The following CDYL2 variants were observed in gnomAD, a reference collection of about 807,000 sequenced individuals.
CDYL2 encodes chromodomain Y like 2.
CDYL2 carries 23 observed loss-of-function variants against 49.4 expected under a neutral mutation model. The ratio of observed to expected loss-of-function variants is 0.47; its 90% CI spans 0.34 to 0.66. The LOEUF (loss-of-function observed/expected upper bound fraction) is 0.66. Among genes scored for constraint, CDYL2 ranks in the 30% least tolerant of loss-of-function variants. The probability of loss-of-function intolerance (pLI) is 0.01; values close to 1 mark genes in which losing one functional copy is unlikely to be tolerated. For synonymous variants in CDYL2, 360 were observed against 268.8 expected (o/e 1.34, Z -3.32); for missense variants, 678 against 656.4 (o/e 1.03, Z -0.36).
chr16:80,739,533 G>A (rs947963404), intron 1 of CDYL2, among the ~76,000 whole-genome samples: 7 of 152,224 alleles, frequency 4.6e-5, no homozygotes, highest in Admixed American at 1.3e-4. Flanking sequence ...AAGATCAGGA[G>A]CTAAGCCCCA....
At chr16:80,786,143 C>T (rs1316531403) in intron 1 of CDYL2, among the ~76,000 whole-genome samples, 2 of 151,586 alleles carry the variant, frequency 1.3e-5, no homozygotes, top group Admixed American at 6.5e-5. Context: ...AGCTTCTGCG[C>T]AGCAAAAGAA....
chr16:80,710,764 C>G (rs1009222411), intron 1 of CDYL2, among the ~76,000 whole-genome samples: 1 of 152,090 alleles, frequency 6.6e-6, no homozygotes, highest in Non-Finnish European at 1.5e-5. Flanking sequence ...CACATACACA[C>G]AGAGAACTGT....
At chr16:80,747,546 C>CGTGAATAGTGGTAGTGGTG (rs2142559036) in intron 1 of CDYL2, among the ~76,000 whole-genome samples, 1 of 152,226 alleles carries the variant, frequency 6.6e-6, no homozygotes, top group Admixed American at 6.5e-5. Flanking sequence ...CCAATGTTGT[C>CGTGAATAGTGGTAGTGGTG]GTGAATAGTG....
intron 1 of CDYL2, among the ~76,000 whole-genome samples, chr16:80,692,629 T>C (rs953079024): frequency 1.3e-5 from 2 of 152,160 alleles, no homozygotes; most frequent in East Asian, 1.9e-4. Context: ...TTATGACAAA[T>C]TGAAAGCAAA....
chr16:80,785,939 T>C (rs914854105), intron 1 of CDYL2, among the ~76,000 whole-genome samples: 2 of 152,192 alleles, frequency 1.3e-5, no homozygotes, highest in East Asian at 1.9e-4. Flanking sequence ...AACCCCTTCC[T>C]TACACCTTAT....
At chr16:80,676,009 C>A (rs1018130510) in intron 2 of CDYL2, among the ~76,000 whole-genome samples, 9 of 152,110 alleles carry the variant, frequency 5.9e-5, no homozygotes, top group African/African-American at 2.2e-4. Flanking sequence ...CTTCTGGGCA[C>A]CAAAATCAAA....
chr16:80,783,866 C>T (rs1233994417), intron 1 of CDYL2, among the ~76,000 whole-genome samples: 1 of 152,104 alleles, frequency 6.6e-6, no homozygotes, highest in Non-Finnish European at 1.5e-5. Flanking sequence ...GCCACAGAAA[C>T]AGAAAACAGA....
chr16:80,604,642 C>A, intron 6 of CDYL2, 96 bp from the exon 7 acceptor site: 1 of 1,330,120 alleles, frequency 7.5e-7, no homozygotes, highest in Middle Eastern at 2.2e-4. Flanking sequence ...ACCTCCCATA[C>A]TCACAGCCAG....
intron 6 of CDYL2, among the ~76,000 whole-genome samples, chr16:80,606,067 T>C (rs1906317981): frequency 6.6e-6 from 1 of 152,216 alleles, no homozygotes; most frequent in South Asian, 2.1e-4. Flanking sequence ...CAGCCTCTCC[T>C]GAAATGCCCT....
At chr16:80,650,584 G>T (rs1390813105) in intron 2 of CDYL2, among the ~76,000 whole-genome samples, 1 of 152,112 alleles carries the variant, frequency 6.6e-6, no homozygotes, top group Non-Finnish European at 1.5e-5. Context: ...ACTAAAAATA[G>T]AAATACCATG....
intron 1 of CDYL2, among the ~76,000 whole-genome samples, chr16:80,712,191 GTATATA>G (rs60399715): frequency 1.8e-4 from 19 of 107,934 alleles, no homozygotes; most frequent in African/African-American, 3.5e-4. Flanking sequence ...GTCTGTGTGT[GTATATA>G]TATATATATA....
At chr16:80,609,762 GAGAACTT>G (rs1906512289) in intron 5 of CDYL2, among the ~76,000 whole-genome samples, 1 of 152,216 alleles carries the variant, frequency 6.6e-6, no homozygotes, top group Non-Finnish European at 1.5e-5. Flanking sequence ...TCTTTGAAGA[GAGAACTT>G]AGGGGTATTA....
intron 1 of CDYL2, among the ~76,000 whole-genome samples, chr16:80,761,610 G>T (rs986441734): frequency 6.6e-6 from 1 of 152,062 alleles, no homozygotes; most frequent in Non-Finnish European, 1.5e-5. Flanking sequence ...TGCAATTGTT[G>T]AATCAATAGA....
intron 1 of CDYL2, among the ~76,000 whole-genome samples, chr16:80,744,558 C>G (rs1423672472): frequency 6.6e-6 from 1 of 152,166 alleles, no homozygotes; most frequent in Non-Finnish European, 1.5e-5. Flanking sequence ...TTTATTTAAT[C>G]CTCCCAACAA....
At chr16:80,676,965 T>TCC (rs1567566846) in intron 2 of CDYL2, among the ~76,000 whole-genome samples, 17 of 101,408 alleles carry the variant, frequency 1.7e-4, no homozygotes, top group African/African-American at 1.0e-3. Flanking sequence ...TTCAATGTAT[T>TCC]TTTTTTTTTT....
At chr16:80,793,921 C>G (rs1165995245) in intron 1 of CDYL2, among the ~76,000 whole-genome samples, 7 of 152,138 alleles carry the variant, frequency 4.6e-5, no homozygotes, top group Admixed American at 1.3e-4. Context: ...CAGTCAATTT[C>G]TTTCTGCATT....
chr16:80,698,881 G>A (rs542340096), intron 1 of CDYL2, among the ~76,000 whole-genome samples: 4 of 152,160 alleles, frequency 2.6e-5, no homozygotes, highest in African/African-American at 9.6e-5. Flanking sequence ...TTATAGCAGT[G>A]TGAGAATGAA....
intron 1 of CDYL2, among the ~76,000 whole-genome samples, chr16:80,790,164 A>C (rs1907564849): frequency 6.6e-6 from 1 of 152,226 alleles, no homozygotes; most frequent in African/African-American, 2.4e-5. Context: ...AACACCTAGG[A>C]TCAGAGATTA....
intron 1 of CDYL2, among the ~76,000 whole-genome samples, chr16:80,749,672 T>C (rs1037725100): frequency 1.3e-5 from 2 of 152,048 alleles, no homozygotes; most frequent in African/African-American, 4.8e-5. Flanking sequence ...ATACCAAAAC[T>C]TAAGAATTCA....
Sources: allele counts gnomAD v4.1 joint callset (sites outside exome capture counted in the v4.1 genomes callset), GRCh38; gene constraint gnomAD v4.1.1; transcripts MANE v1.5; gene names NCBI Gene and HGNC (gene_info 2026-07-23, HGNC 2026-07-21).